The following PER2 variants were observed in gnomAD, a reference collection of about 807,000 sequenced individuals.
PER2 encodes period circadian protein homolog 2.
PER2 carries 66 observed loss-of-function variants against 121.0 expected under a neutral mutation model. The ratio of observed to expected loss-of-function variants is 0.55; its 90% confidence interval spans 0.45 to 0.67. The LOEUF (loss-of-function observed/expected upper bound fraction) is 0.67. Among genes scored for constraint, PER2 ranks in the 30% least tolerant of loss-of-function variants. The pLI, the probability that PER2 is intolerant of heterozygous loss-of-function variation, is 0.00. For missense variants in PER2, 1,521 were observed against 1,635.0 expected (o/e 0.93, Z 1.20); for synonymous variants, 684 against 659.9 (o/e 1.04, Z -0.56).
Position 238,268,293 on chromosome 2 carries a change from A to T in PER2, c.825-95T>A. 1 of 1,295,180 alleles carries T rather than the reference A, an allele frequency of 7.7e-7. No individual in the cohort carries two copies. Among genetic ancestry groups the T allele is most frequent in the Non-Finnish European group, 1.1e-6 (1 of 913,654 alleles). The allele number at this position is 1,295,180 out of a possible 1,614,324, so 80.2% of individuals were successfully genotyped here. A position where few individuals can be genotyped will look rare whatever the true frequency, so the allele number is the denominator to read the frequency against. ...TCACCTGGGCCCCATGCCATGCTGC[A>T]GGTGATGTGTACCTCTGCTCTGCCT... is the stretch of plus-strand genomic sequence containing the variant. On this transcript the variant is annotated intron_variant, in intron 7 of 22. Transcript: ENST00000254657. This position sits in a 1 kb window ranked among gnomAD's most constrained non-coding sequence, Gnocchi z 4.0.
At chr2:238,254,308 T>G (rs1695696164) in intron 18 of PER2, 1 of 158,776 alleles carries the variant, frequency 6.3e-6, no homozygotes, top group Admixed American at 6.1e-5. Flanking sequence ...AAGGAGGGAC[T>G]CTGGGTATGT....
rs1348039455 is a variant in PER2, at chr2:238,273,145, G to A, written c.495C>T (p.Pro165=). The change falls in exon 5 of 23, where the codon CCC becomes CCT. Residue 165 remains proline, a synonymous_variant. Transcript: ENST00000254657. Reference sequence around the variant, plus strand: ...TGTAGGAGGGCACGTCTGCTCCACAGGGGTGACCCTCGCTGGACATCAGCA... The same window carrying A: ...TGTAGGAGGGCACGTCTGCTCCACAAGGGTGACCCTCGCTGGACATCAGCA... ...YQLLMSSEGH[P]CGADVPSYTV... 1 of 1,613,780 alleles carries A rather than the reference G, an allele frequency of 6.2e-7. No individual in the cohort carries two copies. The highest frequency in any genetic ancestry group is 1.1e-5 in the South Asian group (1 of 91,088).
At position 238,251,654 on chromosome 2, in the gene PER2, A is replaced by C. The variant is rs1695603602; in HGVS notation, c.3219T>G (p.Ala1073=). 6.2e-7 allele frequency: 1 copy of C among 1,614,182 alleles called. No homozygotes were observed. Among genetic ancestry groups the C allele is most frequent in the Non-Finnish European group, 8.5e-7 (1 of 1,180,012 alleles). The change falls in exon 20 of 23, where the codon GCT becomes GCG. Residue 1073 remains alanine, a synonymous_variant. Coordinates refer to ENST00000254657, the MANE Select transcript of PER2 (RefSeq NM_022817.3). Reference sequence around the variant, plus strand: ...GTGAGCCGGAGCCCAGAGACTCCGAAGCAGCAGAGCCCGAGGCTGAGCAGA... The same window carrying C: ...GTGAGCCGGAGCCCAGAGACTCCGACGCAGCAGAGCCCGAGGCTGAGCAGA... The part of the protein sequence containing the change: ...EDLCSASGSA[A]SESLGSGSLG...
At chr2:238,294,184 C>T (rs147201361), upstream of PER2, among the ~76,000 whole-genome samples, 10 of 152,338 alleles carry the variant, frequency 6.6e-5, no homozygotes, top group East Asian at 7.7e-4. Context: ...TTCTGGGCCA[C>T]GGACCTTACC....
chr2:238,265,896 T>A (rs2106310371), intron 8 of PER2, among the ~76,000 whole-genome samples: 1 of 151,826 alleles, frequency 6.6e-6, no homozygotes, highest in Non-Finnish European at 1.5e-5. Context: ...TGGAAGGCCA[T>A]CTTTACGATT....
upstream of PER2, among the ~76,000 whole-genome samples, chr2:238,291,019 A>G (rs1295847768): frequency 1.3e-5 from 2 of 152,198 alleles, no homozygotes; most frequent in Non-Finnish European, 2.9e-5. Flanking sequence ...AGGAAGGGGG[A>G]TGAACCCTTT....
In PER2 at chr2:238,277,111, G is replaced by T; in HGVS notation, c.293+20C>A. Reference sequence around the variant, plus strand: ...CAATTTCTCTAAAACCTCTATGTATGAAGTTCTAATTGGCCTTACCTGCAG... The same window carrying T: ...CAATTTCTCTAAAACCTCTATGTATTAAGTTCTAATTGGCCTTACCTGCAG... On this transcript the variant is annotated intron_variant, in intron 3 of 22. Coordinates refer to ENST00000254657, the MANE Select transcript of PER2 (RefSeq NM_022817.3). 6.4e-7 allele frequency: 1 copy of T among 1,556,100 alleles called. No individual in the cohort carries two copies. Among genetic ancestry groups the T allele is most frequent in the Non-Finnish European group, 8.9e-7 (1 of 1,127,144 alleles).
At chr2:238,283,388 T>G (rs1241440394) in intron 1 of PER2, among the ~76,000 whole-genome samples, 6 of 152,208 alleles carry the variant, frequency 3.9e-5, no homozygotes, top group Non-Finnish European at 8.8e-5. Flanking sequence ...ACCCTGGGAC[T>G]GCAATTCCCA....
rs150017484 is a variant in PER2 at position 238,258,296 on chromosome 2, C to A, written c.1880G>T (p.Ser627Ile). The change falls in exon 16 of 23, where the codon AGC becomes ATC. Residue 627 changes from serine (S) to isoleucine (I), a missense_variant. By Grantham distance (142) the Ser-to-Ile change is moderately radical. Coordinates refer to ENST00000254657, the MANE Select transcript of PER2 (RefSeq NM_022817.3). ...GATACCTCCAGCGTGTGGCCCTGGGCTGACTGTGGCCTTCCGCTTATCACT... is the reference window on the plus strand; with the variant it reads ...GATACCTCCAGCGTGTGGCCCTGGGATGACTGTGGCCTTCCGCTTATCACT... ...RSSDKRKATV[S>I]PGPHAGEAEP... is the part of the protein sequence containing the mutation. 2 of 1,614,102 alleles carry A rather than the reference C, an allele frequency of 1.2e-6. No homozygotes were observed. The highest frequency in any genetic ancestry group is 2.7e-5 in the African/African-American group (2 of 74,932).
At position 238,251,771 on chromosome 2, in the gene PER2, C is replaced by T; in HGVS notation, c.3112-10G>A. On this transcript the variant is annotated splice_polypyrimidine_tract_variant and intron_variant, in intron 19 of 22. Transcript: ENST00000254657. ...CTGAGGGTTCATCACGCTTTAGGGACAGGAAGCAGATACTGCTGTTCAGGG... is the reference window on the plus strand; with the variant it reads ...CTGAGGGTTCATCACGCTTTAGGGATAGGAAGCAGATACTGCTGTTCAGGG... The T allele has an allele frequency of 1.3e-6, 2 of 1,540,462 alleles. No homozygotes were observed. The highest frequency in any genetic ancestry group is 2.2e-5 in the South Asian group (2 of 90,168).
At chr2:238,250,428 C>T in intron 21 of PER2, 123 bp downstream of exon 21, 2 of 739,110 alleles carry the variant, frequency 2.7e-6, no homozygotes, top group South Asian at 1.5e-5. Context: ...CTGCTGCACT[C>T]AGCTAAATCT....
At chr2:238,256,895 C>T in intron 17 of PER2, 27 bp downstream of exon 17, 1 of 1,607,442 alleles carries the variant, frequency 6.2e-7, no homozygotes, top group Non-Finnish European at 8.5e-7. Context: ...TCAAACTGCT[C>T]TCTGATCCAA....
rs1553603470 is a variant in PER2, at chr2:238,262,258, A to C, written c.1240T>G (p.Trp414Gly). ...NGEYITLDTS[W>G]SSFINPWSRK... Reference sequence around the variant, plus strand: ...CTCCATGGGTTGATGAAGCTGGACCAGCTGGTGTCCAACGTGATGTACTCT... The same window carrying C: ...CTCCATGGGTTGATGAAGCTGGACCCGCTGGTGTCCAACGTGATGTACTCT... Residue 414 changes from tryptophan to glycine, a missense_variant, in exon 11 of 23, where the codon TGG becomes GGG. Transcript: ENST00000254657. 1.2e-6 allele frequency: 2 copies of C among 1,614,036 alleles called. No homozygotes were observed. The highest frequency in any genetic ancestry group is 2.2e-5 in the South Asian group (2 of 91,086).
At chr2:238,292,828 C>T (rs1696971043), upstream of PER2, among the ~76,000 whole-genome samples, 1 of 151,216 alleles carries the variant, frequency 6.6e-6, no homozygotes, top group South Asian at 2.1e-4. Context: ...ACCTCCGCTT[C>T]CTGGGTTCAA....
chr2:238,297,659 A>C, the PER2 span, among the ~76,000 whole-genome samples: 1 of 152,148 alleles, frequency 6.6e-6, no homozygotes, highest in Non-Finnish European at 1.5e-5. Flanking sequence ...CTGGAAACAG[A>C]AGGGGGCCCA....
intron 14 of PER2, among the ~76,000 whole-genome samples, chr2:238,259,711 C>T (rs909007874): frequency 6.6e-6 from 1 of 152,232 alleles, no homozygotes; most frequent in Non-Finnish European, 1.5e-5. Context: ...CCCAGGCCTG[C>T]ACACCTAGCC....
At chr2:238,266,756 G>A (rs1355093591) in intron 8 of PER2, among the ~76,000 whole-genome samples, 1 of 152,208 alleles carries the variant, frequency 6.6e-6, no homozygotes, top group Non-Finnish European at 1.5e-5. Flanking sequence ...GCTGTCATTT[G>A]GCCGGGCGCG....
At position 238,258,645 on chromosome 2, in the gene PER2, C is replaced by T. The variant is rs1161258742; in HGVS notation, c.1628-1G>A. 1.9e-6 allele frequency: 3 copies of T among 1,613,938 alleles called. No homozygotes were observed. In the South Asian group the frequency reaches 3.3e-5, roughly 18 times the overall value. On this transcript the variant is annotated splice_acceptor_variant, in intron 14 of 22. Transcript: ENST00000254657. LOFTEE classifies it high-confidence loss of function. Reference sequence around the variant, plus strand: ...TCAGCTGGGGGATTAGTTTGCATTTCTGAAGGAATGGCAAAATTGTTCTTT... The same window carrying T: ...TCAGCTGGGGGATTAGTTTGCATTTTTGAAGGAATGGCAAAATTGTTCTTT...
At chr2:238,285,097 G>A (rs945672520) in intron 1 of PER2, among the ~76,000 whole-genome samples, 9 of 152,242 alleles carry the variant, frequency 5.9e-5, no homozygotes, top group African/African-American at 2.2e-4. Context: ...TTGAAAAGGG[G>A]CTGCCAAAAG....
Sources: allele counts gnomAD v4.1 joint callset (sites outside exome capture counted in the v4.1 genomes callset), GRCh38; gene constraint gnomAD v4.1.1; non-coding constraint Gnocchi (gnomAD v3.1); transcripts MANE v1.5; gene names NCBI Gene and HGNC (gene_info 2026-07-23, HGNC 2026-07-21).